Variants in NFXL1 observed in about 807,000 individuals in gnomAD.
The protein encoded by NFXL1 is nuclear transcription factor, X-box binding like 1.
In NFXL1, 66 loss-of-function variants were observed where a neutral mutation model predicts 123.3. That is an observed-to-expected ratio of 0.54 (90% CI 0.44 to 0.66). The LOEUF is 0.66. Ranked by LOEUF, NFXL1 falls within the 30% of genes least tolerant of loss-of-function variation. The pLI, the probability that NFXL1 is intolerant of heterozygous loss-of-function variation, is 0.00. For synonymous variants in NFXL1, 346 were observed against 360.8 expected (o/e 0.96, Z 0.46); for missense variants, 944 against 1,125.6 (o/e 0.84, Z 2.31).
intron 17 of NFXL1, chr4:47,877,084 A>G: frequency 9.3e-7 from 1 of 1,080,774 alleles, no homozygotes; most frequent in Non-Finnish European, 1.3e-6. Flanking sequence ...TAACATGAGT[A>G]GAAGAGCACA....
intron 12 of NFXL1, among the ~76,000 whole-genome samples, chr4:47,889,720 A>C (rs1400033734): frequency 6.6e-6 from 1 of 152,200 alleles, no homozygotes; most frequent in African/African-American, 2.4e-5. Context: ...ACATAATCCA[A>C]ATGAGTGAAG....
In NFXL1 at chr4:47,848,262, A is replaced by C. The variant is rs1261346472; in HGVS notation, c.2637T>G (p.Val879=). Residue 879 remains valine, a synonymous_variant, in exon 23 of 23, where the codon GTT becomes GTG. Coordinates refer to ENST00000507489, the MANE Select transcript of NFXL1 (RefSeq NM_001278624.2). ...TATGTTTTTGCCATAGTGATAGCTC[A>C]ACTGCCACTTCATCTCTTTTCCTGT... ...KKNRKRDEVA[V]ELSLWQKHKY... is the part of the protein sequence containing the mutation. The C allele has an allele frequency of 6.2e-7, 1 of 1,613,012 alleles. No individual in the cohort carries two copies. The highest frequency in any genetic ancestry group is 2.2e-5 in the East Asian group (1 of 44,830).
chr4:47,866,050 C>T (rs1264803009), intron 18 of NFXL1, among the ~76,000 whole-genome samples: 1 of 151,662 alleles, frequency 6.6e-6, no homozygotes, highest in Non-Finnish European at 1.5e-5. Flanking sequence ...AAAAAGTATA[C>T]GAGATTCAAG....
chr4:47,883,076 G>A (rs568712071), intron 15 of NFXL1, among the ~76,000 whole-genome samples: 1 of 152,062 alleles, frequency 6.6e-6, no homozygotes, highest in East Asian at 1.9e-4. Flanking sequence ...CCTTTATCAG[G>A]TTAAGAAAAT....
At chr4:47,901,294 T>C (rs1480714506) in intron 5 of NFXL1, among the ~76,000 whole-genome samples, 1 of 152,164 alleles carries the variant, frequency 6.6e-6, no homozygotes, top group Admixed American at 6.6e-5. Flanking sequence ...ACCAGAATGG[T>C]CATTTATTTT....
chr4:47,892,919 C>T (rs1736860389), intron 11 of NFXL1, among the ~76,000 whole-genome samples: 1 of 151,994 alleles, frequency 6.6e-6, no homozygotes, highest in Admixed American at 6.5e-5. Context: ...TGAGAGATGA[C>T]AGAATTAGTA....
In NFXL1 at chr4:47,914,358, C is replaced by A; in HGVS notation, c.-3+7G>T. On this transcript the variant is annotated splice_region_variant and intron_variant, in intron 1 of 22. Transcript: ENST00000507489. ...CGGGTTTTAGGAGGTCGCGGCCCTGCCTTTACCGGAGGGCGAGTCCCCGCC... is the reference window on the plus strand; with the variant it reads ...CGGGTTTTAGGAGGTCGCGGCCCTGACTTTACCGGAGGGCGAGTCCCCGCC... 2 of 593,936 alleles carry A rather than the reference C, an allele frequency of 3.4e-6. No homozygotes were observed. Among genetic ancestry groups the A allele is most frequent in the Non-Finnish European group, 5.7e-6 (2 of 351,442 alleles). The allele number at this position is 593,936 out of a possible 1,614,324, so 36.8% of individuals were successfully genotyped here. A position where few individuals can be genotyped will look rare whatever the true frequency, so the allele number is the denominator to read the frequency against.
rs759522334 is a variant in NFXL1, at chr4:47,899,372, G to A, written c.824C>T (p.Pro275Leu). The A allele has an allele frequency of 3.1e-6, 5 of 1,610,408 alleles. No individual in the cohort carries two copies. Among genetic ancestry groups the A allele is most frequent in the Non-Finnish European group, 3.4e-6 (4 of 1,177,152 alleles). The change falls in exon 6 of 23, where the codon CCA becomes CTA. Residue 275 changes from proline (P) to leucine (L), a missense_variant and splice_region_variant. By Grantham distance (98) the Pro-to-Leu change is moderately conservative. Transcript: ENST00000507489. The part of the protein sequence containing the change: ...CGHKCLLLCH[P>L]GPCPPCPKMV... ...TTAAAATGCAATATATAACTCACCTGGATGACAGAGGAGTAAACATTTATG... is the reference window on the plus strand; with the variant it reads ...TTAAAATGCAATATATAACTCACCTAGATGACAGAGGAGTAAACATTTATG...
chr4:47,905,736 C>A (rs1317506874), intron 3 of NFXL1, among the ~76,000 whole-genome samples: 1 of 113,608 alleles, frequency 8.8e-6, no homozygotes, highest in African/African-American at 3.5e-5. Context: ...TAAATATAAG[C>A]ATAGATGTGA....
chr4:47,878,764 T>G, intron 16 of NFXL1, 99 bp from the exon 17 acceptor site: 2 of 849,030 alleles, frequency 2.4e-6, no homozygotes, highest in Non-Finnish European at 3.4e-6. Context: ...TGAGAACAAG[T>G]TTCAGAAAGG....
intron 15 of NFXL1, among the ~76,000 whole-genome samples, chr4:47,883,250 A>G (rs1262235995): frequency 6.6e-6 from 1 of 152,116 alleles, no homozygotes; most frequent in Non-Finnish European, 1.5e-5. Flanking sequence ...CAAAGAAAAA[A>G]AAACAAAAAA....
At chr4:47,876,483 G>T (rs1735759253) in intron 17 of NFXL1, among the ~76,000 whole-genome samples, 1 of 152,108 alleles carries the variant, frequency 6.6e-6, no homozygotes, top group Non-Finnish European at 1.5e-5. Flanking sequence ...CAAGTAACAG[G>T]ATGAACAGAG....
At chr4:47,867,533 T>C (rs1033763074) in intron 18 of NFXL1, among the ~76,000 whole-genome samples, 1 of 151,616 alleles carries the variant, frequency 6.6e-6, no homozygotes, top group Admixed American at 6.6e-5. Flanking sequence ...TCCAGGAAAA[T>C]AAAAATATTG....
chr4:47,851,037 T>A, intron 22 of NFXL1, 58 bp downstream of exon 22: 1 of 1,293,908 alleles, frequency 7.7e-7, no homozygotes, highest in East Asian at 2.3e-5. Context: ...ACCCCGTGTT[T>A]GCACAAAATC....
chr4:47,905,152 AAAG>A (rs1177851682), intron 4 of NFXL1, 82 bp downstream of exon 4: 3 of 552,834 alleles, frequency 5.4e-6, no homozygotes, highest in East Asian at 5.7e-5. Context: ...TAAGTAAACA[AAAG>A]AATAATAAAT....
chr4:47,867,428 G>A (rs1385105173), intron 18 of NFXL1, among the ~76,000 whole-genome samples: 1 of 151,894 alleles, frequency 6.6e-6, no homozygotes, highest in African/African-American at 2.4e-5. Flanking sequence ...GTAATTGAGT[G>A]AAATGGGAGA....
chr4:47,863,493 C>T (rs1023045011), intron 18 of NFXL1, among the ~76,000 whole-genome samples: 2 of 152,008 alleles, frequency 1.3e-5, no homozygotes, highest in African/African-American at 2.4e-5. Flanking sequence ...ACCAGCCTAG[C>T]CAACATGGTG....
At chr4:47,900,947 T>TA (rs1445403007) in intron 5 of NFXL1, among the ~76,000 whole-genome samples, 1 of 152,192 alleles carries the variant, frequency 6.6e-6, no homozygotes, top group Non-Finnish European at 1.5e-5. Context: ...AATTTTTTTT[T>TA]ATTAAAAGAA....
At chr4:47,848,751 T>G (rs1480566818) in intron 22 of NFXL1, among the ~76,000 whole-genome samples, 1 of 151,938 alleles carries the variant, frequency 6.6e-6, no homozygotes, top group Admixed American at 6.6e-5. Flanking sequence ...TAGCCGGGCA[T>G]GGTGGCGGGT....
Sources: gnomAD v4.1 joint callset for allele counts (sites outside exome capture counted in the v4.1 genomes callset) on GRCh38, gnomAD v4.1.1 for gene constraint, MANE v1.5 for transcripts, NCBI Gene and HGNC (gene_info 2026-07-23, HGNC 2026-07-21) for gene names.